The following NAV2 variants were observed in gnomAD, a reference collection of about 807,000 sequenced individuals.
The protein encoded by NAV2 is neuron navigator 2, also known as helicase, APC down-regulated 1.
NAV2 carries 54 observed loss-of-function variants against 223.2 expected under a neutral mutation model. The observed-to-expected ratio is 0.24, with a 90% CI of 0.19 to 0.30. The LOEUF (loss-of-function observed/expected upper bound fraction) is 0.30. Ranked by LOEUF, NAV2 falls within the 10% of genes least tolerant of loss-of-function variation. NAV2 has a pLI of 1.00. For synonymous variants in NAV2, 1,279 were observed against 1,239.3 expected (o/e 1.03, Z -0.67); for missense variants, 2,806 against 3,147.5 (o/e 0.89, Z 2.60).
chr11:19,796,652 T>C (rs2057919378), intron 1 of NAV2, among the ~76,000 whole-genome samples: 1 of 152,172 alleles, frequency 6.6e-6, no homozygotes, highest in Non-Finnish European at 1.5e-5. Flanking sequence ...CCACACCACC[T>C]CTCTGTGGAG....
chr11:19,531,256 G>A lies in NAV2; in HGVS notation c.75+180229G>A, dbSNP rs115888931. 6.3e-3 allele frequency among the ~76,000 whole-genome samples: 962 copies of A among 152,296 alleles called. 14 individuals carry two copies. The highest frequency in any genetic ancestry group is 0.022 in the African/African-American group (901 of 41,560). ...TGGAAAGAAAGAAATATATGTAATA[G>A]CACCTAATTATAAGTTACTTTAAAA... On this transcript the variant is annotated intron_variant, in intron 1 of 37. Coordinates refer to the NAV2 transcript ENST00000360655.
At chr11:19,551,407 C>A (rs1444783916) in intron 1 of NAV2, among the ~76,000 whole-genome samples, 1 of 152,208 alleles carries the variant, frequency 6.6e-6, no homozygotes, top group Non-Finnish European at 1.5e-5. Flanking sequence ...CAAGGGACAT[C>A]CCCTGGGTTC....
At chr11:20,115,723 G>A (rs1232353049) in intron 37 of NAV2, among the ~76,000 whole-genome samples, 1 of 150,612 alleles carries the variant, frequency 6.6e-6, no homozygotes, top group Non-Finnish European at 1.5e-5. Flanking sequence ...TTACAGCCTG[G>A]GCAACGTAAC....
intron 1 of NAV2, among the ~76,000 whole-genome samples, chr11:19,410,529 T>C (rs1358954094): frequency 6.6e-6 from 1 of 152,220 alleles, no homozygotes; most frequent in Non-Finnish European, 1.5e-5. Context: ...AGCTGGGATT[T>C]GAACCCAGGG....
At chr11:19,578,532 C>A (rs994374932) in intron 1 of NAV2, among the ~76,000 whole-genome samples, 1 of 152,192 alleles carries the variant, frequency 6.6e-6, no homozygotes, top group Non-Finnish European at 1.5e-5. Flanking sequence ...GACTCCAGTT[C>A]TGGCCCTGCT....
intron 5 of NAV2, among the ~76,000 whole-genome samples, chr11:19,892,120 G>A (rs1300688762): frequency 2.0e-5 from 3 of 152,088 alleles, no homozygotes; most frequent in African/African-American, 7.2e-5. Context: ...CACCATGCCT[G>A]GCTAATTTTT....
intron 11 of NAV2, among the ~76,000 whole-genome samples, chr11:20,007,744 G>C (rs561763362): frequency 2.0e-5 from 3 of 152,142 alleles, no homozygotes. Flanking sequence ...TTGATCAGCA[G>C]CTGCAATGGG....
chr11:20,097,412 T>TA (rs2061352531), intron 30 of NAV2, among the ~76,000 whole-genome samples, 165 bp from the exon 31 acceptor site: 1 of 152,114 alleles, frequency 6.6e-6, no homozygotes, highest in Non-Finnish European at 1.5e-5. Context: ...TCGGGCTTTA[T>TA]CCCCTTAGAA....
chr11:19,897,886 T>TTTTATATATATATATATA (rs144642336), intron 6 of NAV2, among the ~76,000 whole-genome samples: 3 of 120,658 alleles, frequency 2.5e-5, no homozygotes, highest in African/African-American at 1.0e-4. Flanking sequence ...GACCTGTGAT[T>TTTTATATATATATATATA]TATATATATA....
At chr11:19,705,276 C>T (rs2049629004) in intron 1 of NAV2, among the ~76,000 whole-genome samples, 1 of 152,164 alleles carries the variant, frequency 6.6e-6, no homozygotes, top group African/African-American at 2.4e-5. Context: ...CTAGGTGGTG[C>T]TCACTCCAAA....
intron 1 of NAV2, among the ~76,000 whole-genome samples, chr11:19,402,342 A>G (rs1470188707): frequency 1.3e-5 from 2 of 152,326 alleles, no homozygotes; most frequent in Middle Eastern, 3.4e-3. Context: ...CACCCACTAC[A>G]TAGAGTCGTG....
chr11:20,003,477 T>A (rs1036315821), intron 11 of NAV2, among the ~76,000 whole-genome samples: 3 of 152,070 alleles, frequency 2.0e-5, no homozygotes, highest in African/African-American at 7.2e-5. Flanking sequence ...AATACAAGCC[T>A]TCTCCATTAT....
chr11:19,793,179 G>A (rs1246206705), intron 1 of NAV2, among the ~76,000 whole-genome samples: 4 of 137,900 alleles, frequency 2.9e-5, no homozygotes, highest in Non-Finnish European at 4.5e-5. Flanking sequence ...TTGCACTCCA[G>A]CCTGGCGATA....
chr11:19,736,681 C>T (rs2052332326), intron 1 of NAV2, among the ~76,000 whole-genome samples: 1 of 152,196 alleles, frequency 6.6e-6, no homozygotes, highest in South Asian at 2.1e-4. Context: ...TCATAAAAGG[C>T]AAACCCAGGA....
At chr11:19,675,504 C>T (rs1285769194) in intron 1 of NAV2, among the ~76,000 whole-genome samples, 1 of 152,204 alleles carries the variant, frequency 6.6e-6, no homozygotes, top group Admixed American at 6.5e-5. Context: ...TTTTCTGTCT[C>T]CTTCACTGTC....
intron 3 of NAV2, among the ~76,000 whole-genome samples, chr11:19,867,810 A>C (rs2062189667): frequency 6.6e-6 from 1 of 152,222 alleles, no homozygotes; most frequent in Non-Finnish European, 1.5e-5. Context: ...GGAGTAGATA[A>C]GTCATAAAAT....
chr11:19,478,421 A>G lies in NAV2; in HGVS notation c.75+127394A>G, dbSNP rs2042182788. Among the ~76,000 whole-genome samples, 3 of 152,184 alleles carry G rather than the reference A, an allele frequency of 2.0e-5. 1 individual carries two copies. In the South Asian group the frequency reaches 6.2e-4, roughly 32 times the overall value. ...GGGAGTTGGCAGGAGACGATATCAA[A>G]GCAACGGACAGAGCAGGCCAGTTTG... On this transcript the variant is annotated intron_variant, in intron 1 of 37. Coordinates refer to the NAV2 transcript ENST00000360655.
chr11:19,417,280 C>A (rs1850412257), intron 1 of NAV2, among the ~76,000 whole-genome samples: 1 of 152,156 alleles, frequency 6.6e-6, no homozygotes, highest in Non-Finnish European at 1.5e-5. Context: ...AAAAAGTGGG[C>A]AAAGGATATG....
chr11:19,935,728 T>G (rs975677571), intron 7 of NAV2, among the ~76,000 whole-genome samples: 1 of 151,954 alleles, frequency 6.6e-6, no homozygotes, highest in Admixed American at 6.6e-5. Context: ...TCTTTTTAAT[T>G]GGGAGAAGGT....
Sources: gnomAD v4.1 joint callset for allele counts (sites outside exome capture counted in the v4.1 genomes callset) on GRCh38, gnomAD v4.1.1 for gene constraint, MANE v1.5 for transcripts, NCBI Gene and HGNC (gene_info 2026-07-23, HGNC 2026-07-21) for gene names.